BEST3: variants seen among roughly 807,000 people sequenced by gnomAD.
The protein encoded by BEST3 is bestrophin-3.
BEST3 carries 50 observed loss-of-function variants against 47.1 expected under a neutral mutation model. The observed-to-expected ratio is 1.06, with a 90% CI of 0.85 to 1.34. The LOEUF is 1.34. Ranked by LOEUF, BEST3 falls within the 40% of genes most tolerant of loss-of-function variation. The probability of loss-of-function intolerance (pLI) is 0.00; values close to 1 mark genes in which losing one functional copy is unlikely to be tolerated. For missense variants in BEST3, 765 were observed against 817.0 expected (o/e 0.94, Z 0.78); for synonymous variants, 282 against 298.8 (o/e 0.94, Z 0.58).
chr12:69,670,548 G>C, intron 9 of BEST3: 2 of 702,768 alleles, frequency 2.8e-6, no homozygotes, highest in African/African-American at 1.7e-5. Context: ...GGAGACATTC[G>C]GCAAAGGGAA....
chr12:69,660,057 A>G (rs973240633), intron 9 of BEST3: 12 of 152,168 alleles, frequency 7.9e-5, no homozygotes, highest in African/African-American at 2.2e-4. Context: ...CAGAGCCAGG[A>G]TTGCTGTGTC....
intron 4 of BEST3, among the ~76,000 whole-genome samples, chr12:69,685,467 A>G (rs1287035267): frequency 6.6e-6 from 1 of 152,196 alleles, no homozygotes; most frequent in Non-Finnish European, 1.5e-5. Flanking sequence ...TATACATTAC[A>G]ATGGTCTGGG....
intron 9 of BEST3, among the ~76,000 whole-genome samples, chr12:69,665,102 A>G (rs1046275099): frequency 6.9e-5 from 9 of 130,640 alleles, no homozygotes; most frequent in South Asian, 6.3e-4. Context: ...CAGCAAAGTG[A>G]AATTCAGTAA....
Position 69,678,841 on chromosome 12 carries a change from A to T in BEST3, c.534T>A (p.His178Gln). Residue 178 changes from histidine to glutamine, a missense_variant, in exon 5 of 10, where the codon CAT becomes CAA. Transcript: ENST00000330891. ...AGATGAATGGAACCCAATATTTCAG[A>T]TGAGGAGACTTGAGGTGGTTGAATA... ...RKLFNHLKSP[H>Q]LKYWVPFIWF... The T allele has an allele frequency of 6.2e-7, 1 of 1,613,992 alleles. No individual in the cohort carries two copies. The highest frequency in any genetic ancestry group is 8.5e-7 in the Non-Finnish European group (1 of 1,179,872).
chr12:69,689,388 T>C (rs888521198), intron 4 of BEST3: 9 of 367,800 alleles, frequency 2.4e-5, no homozygotes, highest in African/African-American at 2.0e-4. Flanking sequence ...GCTTAGAGGA[T>C]AGTGGCTTGG....
intron 9 of BEST3, chr12:69,660,995 T>G (rs1883839149): frequency 6.6e-6 from 1 of 152,124 alleles, no homozygotes; most frequent in Non-Finnish European, 1.5e-5. Flanking sequence ...ATTAGAAACT[T>G]TAAAAGATGC....
chr12:69,654,658 G>A lies in BEST3; in HGVS notation c.*249C>T. The A allele has an allele frequency of 1.6e-6, 2 of 1,229,548 alleles. No homozygotes were observed. The highest frequency in any genetic ancestry group is 2.0e-6 in the Non-Finnish European group (2 of 982,884). 76.2% of individuals were successfully genotyped at this position (1,229,548 alleles called of 1,614,324 possible). A position where few individuals can be genotyped will look rare whatever the true frequency, so the allele number is the denominator to read the frequency against. On this transcript the variant is annotated 3_prime_UTR_variant, in exon 10 of 10. Coordinates refer to ENST00000330891, the MANE Select transcript of BEST3 (RefSeq NM_032735.3). ...CCTTTTTTTGGTTAAGACTTATTTG[G>A]CTAAATCACTGTGGTCTGTGTAACT...
chr12:69,664,832 A>G (rs1441631491), intron 9 of BEST3, among the ~76,000 whole-genome samples: 1 of 152,030 alleles, frequency 6.6e-6, no homozygotes, highest in East Asian at 1.9e-4. Context: ...AAGGTAGGCT[A>G]CAAATTTGAT....
chr12:69,697,329 T>C (rs1302940735), intron 2 of BEST3, among the ~76,000 whole-genome samples: 2 of 152,218 alleles, frequency 1.3e-5, no homozygotes, highest in African/African-American at 4.8e-5. Context: ...TCTGTGGACT[T>C]TGCCCATTCA....
chr12:69,643,648 GT>G, exon 10 of BEST3: 5 of 623,278 alleles, frequency 8.0e-6, no homozygotes, highest in South Asian at 1.9e-5. Context: ...GTTGGCTTGT[GT>G]TTAGGAGCCA....
downstream of BEST3, among the ~76,000 whole-genome samples, chr12:69,649,386 T>C (rs1242535262): frequency 2.0e-5 from 3 of 152,258 alleles, no homozygotes; most frequent in Non-Finnish European, 2.9e-5. Context: ...TAGGAGCCAT[T>C]CAAGGAATCT....
At chr12:69,698,711 T>G (rs1886221805) in intron 1 of BEST3, among the ~76,000 whole-genome samples, 1 of 152,236 alleles carries the variant, frequency 6.6e-6, no homozygotes, top group Non-Finnish European at 1.5e-5. Context: ...TAAAGTAGCC[T>G]ACACCACACA....
chr12:69,694,330 A>ATTG (rs1592379023), intron 3 of BEST3, 40 bp downstream of exon 3: 1 of 1,294,454 alleles, frequency 7.7e-7, no homozygotes, highest in Non-Finnish European at 1.1e-6. Context: ...CCTAACGGAG[A>ATTG]CAGCTATGTG....
chr12:69,651,125 G>A (rs1003176350), downstream of BEST3, among the ~76,000 whole-genome samples: 7 of 152,108 alleles, frequency 4.6e-5, no homozygotes, highest in African/African-American at 1.7e-4. Context: ...CTAGAATCCT[G>A]TAGAATAAGT....
At chr12:69,651,417 T>C (rs1883205659), downstream of BEST3, among the ~76,000 whole-genome samples, 1 of 152,166 alleles carries the variant, frequency 6.6e-6, no homozygotes, top group East Asian at 1.9e-4. Flanking sequence ...TCATGGCCAC[T>C]TGGGCTCAGT....
downstream of BEST3, among the ~76,000 whole-genome samples, chr12:69,652,625 C>T (rs530510899): frequency 3.2e-4 from 48 of 152,042 alleles, no homozygotes; most frequent in African/African-American, 1.0e-3. Context: ...GCATAAGGGG[C>T]GTGTGGAAGC....
intron 7 of BEST3, among the ~76,000 whole-genome samples, chr12:69,673,984 A>C (rs1052327391): frequency 1.3e-5 from 2 of 152,162 alleles, no homozygotes; most frequent in African/African-American, 4.8e-5. Flanking sequence ...TGAGAGGTTT[A>C]TGTATAAAAT....
chr12:69,674,061 A>G (rs1006897424), intron 7 of BEST3, among the ~76,000 whole-genome samples: 2 of 152,086 alleles, frequency 1.3e-5, no homozygotes, highest in East Asian at 3.8e-4. Context: ...ACATGCGTGC[A>G]TGCTCGTGTG....
At chr12:69,686,771 C>CAAAAAAACAAACAAAAAA (rs1555208488) in intron 4 of BEST3, among the ~76,000 whole-genome samples, 7 of 49,938 alleles carry the variant, frequency 1.4e-4, no homozygotes, top group African/African-American at 7.8e-4. Context: ...GATTCTGCCT[C>CAAAAAAACAAACAAAAAA]AAAAAAACAA....
Sources: gnomAD v4.1 joint callset for allele counts (sites outside exome capture counted in the v4.1 genomes callset) on GRCh38, gnomAD v4.1.1 for gene constraint, MANE v1.5 for transcripts, NCBI Gene and HGNC (gene_info 2026-07-23, HGNC 2026-07-21) for gene names.